The following PLA2G15 variants were observed in gnomAD, a reference collection of about 807,000 sequenced individuals.
PLA2G15 encodes the protein lysosomal phospholipase A and acyltransferase.
PLA2G15 carries 20 observed loss-of-function variants against 40.9 expected under a neutral mutation model. The observed-to-expected ratio is 0.49, with a 90% CI of 0.34 to 0.71. The LOEUF is 0.71. Among genes scored for constraint, PLA2G15 ranks in the 30% least tolerant of loss-of-function variants. The pLI is 0.01. For synonymous variants in PLA2G15, 223 were observed against 228.2 expected (o/e 0.98, Z 0.21); for missense variants, 471 against 541.9 (o/e 0.87, Z 1.30).
intron 1 of PLA2G15, among the ~76,000 whole-genome samples, chr16:68,246,795 G>A (rs1043861967): frequency 2.6e-5 from 4 of 152,178 alleles, no homozygotes; most frequent in Admixed American, 6.5e-5. Flanking sequence ...GTAATGGGTC[G>A]GGGAGAGACG....
rs1596939473 is a variant in PLA2G15, at chr16:68,245,437, A to G, written c.11A>G (p.His4Arg). 8 of 1,604,296 alleles carry G rather than the reference A, an allele frequency of 5.0e-6. No homozygotes were observed. Among genetic ancestry groups the G allele is most frequent in the Non-Finnish European group, 5.1e-6 (6 of 1,179,670 alleles). The change falls in exon 1 of 6, where the codon CAC (histidine) becomes CGC (arginine). Residue 4 changes from histidine to arginine, a missense_variant. His to Arg is a conservative substitution (Grantham distance 29). Transcript: ENST00000219345. The stretch of plus-strand genomic sequence containing the variant: ...CGACCGTCGTACACCATGGGCCTCC[A>G]CCTCCGCCCCTACCGTGTGGGGCTG... MGL[H>R]LRPYRVGLLP...
At position 68,259,828 on chromosome 16, in the gene PLA2G15, C is replaced by A; in HGVS notation, c.*171C>A. On this transcript the variant is annotated 3_prime_UTR_variant, in exon 6 of 6. Transcript: ENST00000219345. The surrounding 1 kb of genome is among the most constrained non-coding windows in gnomAD (Gnocchi z 6.5). ...GCTGTTTGTTATCCTTTCTCTGTGG[C>A]AGTGAAGAAGGAAGAAATGAGAGTC... The A allele has an allele frequency of 3.2e-6, 2 of 634,582 alleles. No individual in the cohort carries two copies. The highest frequency in any genetic ancestry group is 2.7e-5 in the East Asian group (1 of 36,552). 39.3% of individuals were successfully genotyped at this position (634,582 alleles called of 1,614,324 possible).
Position 68,255,654 on chromosome 16 carries a change from A to G in PLA2G15, c.503-112A>G. 1.1e-6 allele frequency: 1 copy of G among 880,224 alleles called. No individual in the cohort carries two copies. The allele number at this position is 880,224 out of a possible 1,614,324, so 54.5% of individuals were successfully genotyped here. A position where few individuals can be genotyped will look rare whatever the true frequency, so the allele number is the denominator to read the frequency against. On this transcript the variant is annotated intron_variant, in intron 4 of 5. Coordinates refer to ENST00000219345, the MANE Select transcript of PLA2G15 (RefSeq NM_012320.4). This position sits in a 1 kb window ranked among gnomAD's most constrained non-coding sequence, Gnocchi z 5.9. ...GGGGGGACCCAGACCGCTCTGTTTGAATGTGAGCACCCTCCCCTCCCCCTC... is the reference window on the plus strand; with the variant it reads ...GGGGGGACCCAGACCGCTCTGTTTGGATGTGAGCACCCTCCCCTCCCCCTC...
chr16:68,258,564 A>G (rs554876005), intron 5 of PLA2G15, among the ~76,000 whole-genome samples: 1 of 152,312 alleles, frequency 6.6e-6, no homozygotes, highest in Admixed American at 6.5e-5. Flanking sequence ...AAAGAGAAAC[A>G]ATAAAAGCCA....
intron 2 of PLA2G15, chr16:68,250,291 A>G: frequency 2.9e-6 from 1 of 349,618 alleles, no homozygotes; most frequent in Admixed American, 4.3e-5. Flanking sequence ...TTATTTTTTG[A>G]GACAGAGTCT....
intron 5 of PLA2G15, among the ~76,000 whole-genome samples, chr16:68,256,609 G>A (rs138086905): frequency 6.6e-6 from 1 of 152,182 alleles, no homozygotes; most frequent in Non-Finnish European, 1.5e-5. Flanking sequence ...TGCCTCCCGG[G>A]TTCAAGCGAT....
chr16:68,255,016 G>A lies in PLA2G15; in HGVS notation c.382G>A (p.Asp128Asn), dbSNP rs1485639242. The A allele has an allele frequency of 6.2e-7, 1 of 1,612,962 alleles. No individual in the cohort carries two copies. The highest frequency in any genetic ancestry group is 8.5e-7 in the Non-Finnish European group (1 of 1,179,022). Reference sequence around the variant, plus strand: ...GAAGACCTTCTCACTGGAGTTCCTGGACCCCAGCAAAAGCAGCGTGGGTAT... The same window carrying A: ...GAAGACCTTCTCACTGGAGTTCCTGAACCCCAGCAAAAGCAGCGTGGGTAT... The part of the protein sequence containing the change: ...FGKTFSLEFL[D>N]PSKSSVGSYF... Residue 128 changes from aspartate (D) to asparagine (N), a missense_variant, in exon 3 of 6, where the codon GAC becomes AAC. Transcript: ENST00000219345. This position sits in a 1 kb window ranked among gnomAD's most constrained non-coding sequence, Gnocchi z 5.9.
chr16:68,256,338 A>G (rs903462127), intron 5 of PLA2G15: 4 of 198,830 alleles, frequency 2.0e-5, no homozygotes, highest in African/African-American at 9.3e-5. Flanking sequence ...ATGATAACAC[A>G]GAGGCTGTTT....
chr16:68,247,863 C>T (rs924772007), intron 1 of PLA2G15, among the ~76,000 whole-genome samples: 2 of 152,254 alleles, frequency 1.3e-5, no homozygotes, highest in African/African-American at 2.4e-5. Context: ...TGGGAAGTGG[C>T]GAGAGCATGG....
chr16:68,248,786 CG>C, intron 1 of PLA2G15: 1 of 884,160 alleles, frequency 1.1e-6, no homozygotes, highest in Non-Finnish European at 1.4e-6. Flanking sequence ...GAGCTCCCAT[CG>C]GGGTCCATTA....
chr16:68,254,277 T>C (rs960924284), intron 2 of PLA2G15: 4 of 152,050 alleles, frequency 2.6e-5, no homozygotes, highest in African/African-American at 7.2e-5. Context: ...GGGGTCCTCA[T>C]TTGGATGTAA....
In PLA2G15 at chr16:68,255,535, G is replaced by T; in HGVS notation, c.502+155G>T. On this transcript the variant is annotated intron_variant, in intron 4 of 5. Transcript: ENST00000219345. This position sits in a 1 kb window ranked among gnomAD's most constrained non-coding sequence, Gnocchi z 5.9. ...CTAGTGGTCACAGCCACCACCTTTG[G>T]TCAGTCTTATCCTGTCCTCCATTTC... 1.5e-6 allele frequency: 1 copy of T among 649,990 alleles called. No homozygotes were observed. Among genetic ancestry groups the T allele is most frequent in the South Asian group, 1.9e-5 (1 of 51,500 alleles). The allele number at this position is 649,990 out of a possible 1,614,324, so 40.3% of individuals were successfully genotyped here.
chr16:68,253,464 C>T, intron 2 of PLA2G15: 2 of 434,390 alleles, frequency 4.6e-6, no homozygotes, highest in South Asian at 1.6e-5. Flanking sequence ...ACACCTCTGC[C>T]TCCCAGGCTC....
chr16:68,252,428 C>T (rs759040848), intron 2 of PLA2G15: 3 of 381,256 alleles, frequency 7.9e-6, no homozygotes, highest in Non-Finnish European at 1.1e-5. Flanking sequence ...TTCCCAGCCT[C>T]GCACAGAGGC....
intron 2 of PLA2G15, among the ~76,000 whole-genome samples, chr16:68,251,263 G>C (rs1315992538): frequency 6.6e-6 from 1 of 152,132 alleles, no homozygotes; most frequent in Non-Finnish European, 1.5e-5. Flanking sequence ...TTGAGCTGAG[G>C]TTCCCTCCCA....
intron 2 of PLA2G15, among the ~76,000 whole-genome samples, chr16:68,250,982 T>G (rs957289103): frequency 6.6e-6 from 1 of 152,186 alleles, no homozygotes; most frequent in African/African-American, 2.4e-5. Flanking sequence ...AACATCATCA[T>G]GTGCCCGAAT....
rs141272206 is a variant in PLA2G15, at chr16:68,259,642, G to C, written c.1224G>C (p.Val408=). 405 of 1,611,890 alleles carry C rather than the reference G, an allele frequency of 2.5e-4. 3 individuals carry two copies. The East Asian group carries it at 8.7e-3, about 35-fold the overall frequency. Residue 408 remains valine (V), a synonymous_variant, in exon 6 of 6, where the codon GTG becomes GTC. Coordinates refer to ENST00000219345, the MANE Select transcript of PLA2G15 (RefSeq NM_012320.4). The surrounding 1 kb of genome is among the most constrained non-coding windows in gnomAD (Gnocchi z 6.5). ...CCACCCTGGCCTATCTGAAACGTGT[G>C]CTCCTTGGGCCCTGACTCCTGTGCC... The part of the protein sequence containing the change: ...NATTLAYLKR[V]LLGP
chr16:68,252,523 C>T (rs532218661), intron 2 of PLA2G15: 8 of 456,080 alleles, frequency 1.8e-5, no homozygotes, highest in Non-Finnish European at 3.1e-5. Context: ...CAACCCTCTT[C>T]CCACAGGAGA....
intron 1 of PLA2G15, chr16:68,248,643 T>C: frequency 2.9e-6 from 2 of 682,572 alleles, no homozygotes; most frequent in South Asian, 3.8e-5. Flanking sequence ...CACCTCGGCC[T>C]CCCAAAGTGC....
Sources: allele counts gnomAD v4.1 joint callset (sites outside exome capture counted in the v4.1 genomes callset), GRCh38; gene constraint gnomAD v4.1.1; non-coding constraint Gnocchi (gnomAD v3.1); transcripts MANE v1.5; gene names NCBI Gene and HGNC (gene_info 2026-07-23, HGNC 2026-07-21).